The following PCDHGC5 variants were observed in gnomAD, a reference collection of about 807,000 sequenced individuals.
The protein encoded by PCDHGC5 is protocadherin gamma-C5.
Under a neutral mutation model 59.0 loss-of-function variants are expected in PCDHGC5, and 25 were observed. The ratio of observed to expected loss-of-function variants is 0.42; its 90% CI spans 0.31 to 0.59. The LOEUF is 0.59. Among genes scored for constraint, PCDHGC5 ranks in the 20% least tolerant of loss-of-function variants. The pLI is 0.13. For synonymous variants in PCDHGC5, 434 were observed against 505.5 expected (o/e 0.86, Z 1.90); for missense variants, 1,067 against 1,206.4 (o/e 0.88, Z 1.71).
chr5:141,505,284 G>A, intron 2 of PCDHGC5, 109 bp from the exon 3 acceptor site: 1 of 1,548,402 alleles, frequency 6.5e-7, no homozygotes. Flanking sequence ...CAGGTCTTGG[G>A]CATGGGGTAG....
rs773729429 is a variant in PCDHGC5, at chr5:141,491,406, C to T, written c.2166C>T (p.Asp722=). ...CGAAGTGCCTTCAGGGAAACGCAGA[C>T]GGGGACGGGGGTGGAGGGCAGTGCT... ...LSAKCLQGNA[D]GDGGGGQCCR... The change falls in exon 1 of 4, where the codon GAC becomes GAT. Residue 722 remains aspartate (D), a synonymous_variant. Transcript: ENST00000252087. The surrounding 1 kb of genome is among the most constrained non-coding windows in gnomAD (Gnocchi z 6.9). The T allele has an allele frequency of 1.2e-6, 2 of 1,614,096 alleles. No homozygotes were observed. The highest frequency in any genetic ancestry group is 1.7e-6 in the Non-Finnish European group (2 of 1,179,990).
chr5:141,489,894 G>A lies in PCDHGC5; in HGVS notation c.654G>A (p.Gly218=), dbSNP rs942456058. 33 of 1,614,204 alleles carry A rather than the reference G, an allele frequency of 2.0e-5. No individual in the cohort carries two copies. The highest frequency in any genetic ancestry group is 2.4e-5 in the Non-Finnish European group (28 of 1,180,028). Reference sequence around the variant, plus strand: ...TGGTGCTTACTGCTGTGGATGGGGGGACCCCAGCCCGCTCAGGGACCACCC... The same window carrying A: ...TGGTGCTTACTGCTGTGGATGGGGGAACCCCAGCCCGCTCAGGGACCACCC... The part of the protein sequence containing the change: ...HQLVLTAVDG[G]TPARSGTTLI... Residue 218 remains glycine, a synonymous_variant, in exon 1 of 4, where the codon GGG becomes GGA. Coordinates refer to ENST00000252087, the MANE Select transcript of PCDHGC5 (RefSeq NM_018929.3). This position sits in a 1 kb window ranked among gnomAD's most constrained non-coding sequence, Gnocchi z 4.5.
intron 2 of PCDHGC5, among the ~76,000 whole-genome samples, chr5:141,499,738 A>G (rs1284003023): frequency 2.4e-5 from 3 of 127,268 alleles, no homozygotes; most frequent in South Asian, 2.4e-4. Flanking sequence ...TCTCTTGCCC[A>G]GGCTGTGGCA....
At chr5:141,492,189 G>A (rs2099737936) in intron 1 of PCDHGC5, among the ~76,000 whole-genome samples, 1 of 152,204 alleles carries the variant, frequency 6.6e-6, no homozygotes, top group East Asian at 1.9e-4. Flanking sequence ...GCACCTGTCT[G>A]CGGGACTTAG....
chr5:141,501,130 G>A (rs528942194), intron 2 of PCDHGC5, among the ~76,000 whole-genome samples: 5 of 152,100 alleles, frequency 3.3e-5, no homozygotes, highest in African/African-American at 4.8e-5. Flanking sequence ...GCCTCCCTAA[G>A]TGCTGGGATT....
intron 3 of PCDHGC5, among the ~76,000 whole-genome samples, chr5:141,505,868 G>T (rs2099848820): frequency 6.6e-6 from 1 of 152,170 alleles, no homozygotes; most frequent in Admixed American, 6.5e-5. Context: ...GGACCCCAAA[G>T]GGTTGTTGTA....
At chr5:141,498,105 G>A (rs150297456) in intron 2 of PCDHGC5, among the ~76,000 whole-genome samples, 4 of 152,206 alleles carry the variant, frequency 2.6e-5, no homozygotes, top group African/African-American at 9.7e-5. Flanking sequence ...TGGTGTGGGC[G>A]TATAATAGGG....
At chr5:141,507,786 G>A (rs536470814) in intron 3 of PCDHGC5, among the ~76,000 whole-genome samples, 3 of 152,292 alleles carry the variant, frequency 2.0e-5, no homozygotes, top group East Asian at 1.9e-4. Context: ...CCTGACCCTC[G>A]TCTAAGCCTG....
At chr5:141,500,184 TTTTATTTATTTA>T (rs58019021) in intron 2 of PCDHGC5, among the ~76,000 whole-genome samples, 197 of 135,960 alleles carry the variant, frequency 1.4e-3, no homozygotes, top group African/African-American at 3.6e-3. Context: ...TCATTTTTAT[TTTTATTTATTTA>T]TTTATTTATT....
chr5:141,491,612 G>C lies in PCDHGC5; in HGVS notation c.2372G>C (p.Arg791Thr), dbSNP rs759955730. 1 of 1,613,906 alleles carries C rather than the reference G, an allele frequency of 6.2e-7. No individual in the cohort carries two copies. Among genetic ancestry groups the C allele is most frequent in the South Asian group, 1.1e-5 (1 of 91,080 alleles). ...GACGGCAGTGACTTCACTTTTCTAA[G>C]ACCCCTCAGCGTTCAGCAGCCCACA... ...ASDGSDFTFLRPLSVQQPTAL... is the reference protein window; with the variant it reads ...ASDGSDFTFLTPLSVQQPTAL... The change falls in exon 1 of 4, where the codon AGA becomes ACA. Residue 791 changes from arginine (R) to threonine (T), a missense_variant. Arg to Thr is a moderately conservative substitution (Grantham distance 71). Transcript: ENST00000252087. The surrounding 1 kb of genome is among the most constrained non-coding windows in gnomAD (Gnocchi z 6.9).
chr5:141,489,732 C>CA lies in PCDHGC5; in HGVS notation c.494dup (p.Asn165LysfsTer39), dbSNP rs770971020. On this transcript the variant is annotated frameshift_variant, in exon 1 of 4. Transcript: ENST00000252087. LOFTEE classifies it high-confidence loss of function. This position sits in a 1 kb window ranked among gnomAD's most constrained non-coding sequence, Gnocchi z 4.5. ...GTGCCCAGGATCCGGATGTGGGCAC[C>CA]AATACTGTGAGCTTTTACACTCTAA... 4.3e-6 allele frequency: 7 copies of CA among 1,614,008 alleles called. No individual in the cohort carries two copies. Among genetic ancestry groups the CA allele is most frequent in the Non-Finnish European group, 5.9e-6 (7 of 1,180,002 alleles).
At chr5:141,510,862 C>T (rs764422869) in intron 3 of PCDHGC5, 85 bp from the exon 4 acceptor site, 22 of 1,606,772 alleles carry the variant, frequency 1.4e-5, no homozygotes, top group Non-Finnish European at 1.7e-5. Flanking sequence ...GCTGTATAGG[C>T]ATTCATTAAC....
chr5:141,491,126 G>A lies in PCDHGC5; in HGVS notation c.1886G>A (p.Arg629His), dbSNP rs768294944. 1.4e-5 allele frequency: 23 copies of A among 1,613,978 alleles called. No individual in the cohort carries two copies. In the East Asian group the frequency reaches 3.1e-4, roughly 22 times the overall value. Residue 629 changes from arginine to histidine, a missense_variant, in exon 1 of 4, where the codon CGC (arginine) becomes CAC (histidine). Physicochemically the swap from Arg to His is conservative, Grantham distance 29. Transcript: ENST00000252087. This position sits in a 1 kb window ranked among gnomAD's most constrained non-coding sequence, Gnocchi z 6.9. ...GTGTCTACACACACTGGTGAGGTGCGCACAGCCCGGGCCTTACTGGAGGAT... is the reference window on the plus strand; with the variant it reads ...GTGTCTACACACACTGGTGAGGTGCACACAGCCCGGGCCTTACTGGAGGAT... ...FLVSTHTGEV[R>H]TARALLEDDS...
chr5:141,489,775 T>C lies in PCDHGC5; in HGVS notation c.535T>C (p.Ser179Pro), dbSNP rs748163008. The C allele has an allele frequency of 6.2e-7, 1 of 1,614,110 alleles. No homozygotes were observed. The highest frequency in any genetic ancestry group is 8.5e-7 in the Non-Finnish European group (1 of 1,179,986). Reference sequence around the variant, plus strand: ...CACTCTAAGCCCCAACAGCCACTTCTCTCTGAATGTGAAGACCCTAAAAGA... The same window carrying C: ...CACTCTAAGCCCCAACAGCCACTTCCCTCTGAATGTGAAGACCCTAAAAGA... ...FYTLSPNSHF[S>P]LNVKTLKDGK... The change falls in exon 1 of 4, where the codon TCT becomes CCT. Residue 179 changes from serine (S) to proline (P), a missense_variant. Coordinates refer to ENST00000252087, the MANE Select transcript of PCDHGC5 (RefSeq NM_018929.3). This position sits in a 1 kb window ranked among gnomAD's most constrained non-coding sequence, Gnocchi z 4.5.
chr5:141,495,982 T>C (rs2099765062), intron 2 of PCDHGC5, among the ~76,000 whole-genome samples: 2 of 152,144 alleles, frequency 1.3e-5, no homozygotes. Context: ...TACTCTTTCT[T>C]TATCTCTCTT....
intron 3 of PCDHGC5, chr5:141,507,335 T>A (rs1228652205): frequency 6.6e-6 from 1 of 151,804 alleles, no homozygotes; most frequent in Non-Finnish European, 1.5e-5. Context: ...TGCTCATTGT[T>A]TACCTGAAAT....
chr5:141,490,454 C>T lies in PCDHGC5; in HGVS notation c.1214C>T (p.Ser405Leu). The T allele has an allele frequency of 3.1e-6, 5 of 1,614,176 alleles. No homozygotes were observed. The highest frequency in any genetic ancestry group is 4.2e-6 in the Non-Finnish European group (5 of 1,180,020). Residue 405 changes from serine to leucine, a missense_variant, in exon 1 of 4, where the codon TCG (serine) becomes TTG (leucine). Transcript: ENST00000252087. The surrounding 1 kb of genome is among the most constrained non-coding windows in gnomAD (Gnocchi z 5.4). ...FQIKPSENHY[S>L]LLTSQPLDRE... The stretch of plus-strand genomic sequence containing the variant: ...ATTAAGCCTTCTGAGAACCACTACT[C>T]GCTGCTAACCAGCCAGCCTTTGGAC...
chr5:141,491,109 A>G lies in PCDHGC5; in HGVS notation c.1869A>G (p.Thr623=), dbSNP rs1039906987. 4.3e-6 allele frequency: 7 copies of G among 1,614,074 alleles called. No individual in the cohort carries two copies. The African/African-American group carries it at 9.3e-5, about 22-fold the overall frequency. ...STAPGLFLVS[T]HTGEVRTARA... ...CCCCAGGACTGTTCCTCGTGTCTAC[A>G]CACACTGGTGAGGTGCGCACAGCCC... The change falls in exon 1 of 4, where the codon ACA becomes ACG. Residue 623 remains threonine (T), a synonymous_variant. Coordinates refer to ENST00000252087, the MANE Select transcript of PCDHGC5 (RefSeq NM_018929.3). The surrounding 1 kb of genome is among the most constrained non-coding windows in gnomAD (Gnocchi z 6.9).
intron 1 of PCDHGC5, among the ~76,000 whole-genome samples, chr5:141,492,148 G>C (rs2099737507): frequency 6.6e-6 from 1 of 152,202 alleles, no homozygotes; most frequent in Admixed American, 6.5e-5. Flanking sequence ...TGACTTCACT[G>C]TTACCCTCCC....
Sources: allele counts gnomAD v4.1 joint callset (sites outside exome capture counted in the v4.1 genomes callset), GRCh38; gene constraint gnomAD v4.1.1; non-coding constraint Gnocchi (gnomAD v3.1); transcripts MANE v1.5; gene names NCBI Gene and HGNC (gene_info 2026-07-23, HGNC 2026-07-21).